GUCA1C: variants seen among roughly 807,000 people sequenced by gnomAD.
The protein encoded by GUCA1C is guanylyl cyclase-activating protein 3.
GUCA1C carries 15 observed loss-of-function variants against 16.2 expected under a neutral mutation model. The observed-to-expected ratio is 0.93, with a 90% CI of 0.62 to 1.43. The LOEUF is 1.43. Among genes scored for constraint, GUCA1C ranks in the 40% most tolerant of loss-of-function variants. The pLI is 0.00. For synonymous variants in GUCA1C, 78 were observed against 85.4 expected, an observed-to-expected ratio of 0.91 and a Z score of 0.48; for missense variants, 275 against 244.8, an observed-to-expected ratio of 1.12 and a Z score of -0.82.
chr3:108,953,599 T>A lies in GUCA1C; in HGVS notation c.164A>T (p.Lys55Ile), dbSNP rs746991799. 1.1e-5 allele frequency: 17 copies of A among 1,612,734 alleles called. No homozygotes were observed. The African/African-American group carries it at 1.2e-4, about 11-fold the overall frequency. The change falls in exon 1 of 4, where the codon AAA (lysine) becomes ATA (isoleucine). Residue 55 changes from lysine to isoleucine, a missense_variant. Physicochemically the swap from Lys to Ile is moderately radical, Grantham distance 102 (BLOSUM62 -3). Coordinates refer to ENST00000261047, the MANE Select transcript of GUCA1C (RefSeq NM_005459.4). Reference protein sequence around the residue: ...GLQGLNQKANKHIDQVYNTFD... With the variant: ...GLQGLNQKANIHIDQVYNTFD... ...GGTATTATAAACTTGATCAATATGTTTATTGGCCTTCTGATTCAGACCTTG... is the reference window on the plus strand; with the variant it reads ...GGTATTATAAACTTGATCAATATGTATATTGGCCTTCTGATTCAGACCTTG...
chr3:108,946,581 A>C (rs1456397952), intron 1 of GUCA1C, among the ~76,000 whole-genome samples: 2 of 152,182 alleles, frequency 1.3e-5, no homozygotes, highest in Admixed American at 6.5e-5. Flanking sequence ...GACAACCAAT[A>C]ATTATGTGCC....
At chr3:108,947,521 T>TA (rs1221316410) in intron 1 of GUCA1C, among the ~76,000 whole-genome samples, 1 of 152,254 alleles carries the variant, frequency 6.6e-6, no homozygotes, top group Non-Finnish European at 1.5e-5. Flanking sequence ...TTTGTCTATT[T>TA]AAAGTTTGTC....
intron 1 of GUCA1C, among the ~76,000 whole-genome samples, chr3:108,925,488 AC>A (rs1946614447): frequency 6.6e-6 from 1 of 152,158 alleles, no homozygotes; most frequent in African/African-American, 2.4e-5. Context: ...CTGAGAGACT[AC>A]TTGACATAAT....
At chr3:108,917,100 T>C (rs1946526007) in intron 2 of GUCA1C, among the ~76,000 whole-genome samples, 1 of 152,176 alleles carries the variant, frequency 6.6e-6, no homozygotes, top group Non-Finnish European at 1.5e-5. Flanking sequence ...CTTTAGCAAG[T>C]TTAGGTCTGA....
At chr3:108,928,847 G>A (rs933598003) in intron 1 of GUCA1C, among the ~76,000 whole-genome samples, 18 of 151,954 alleles carry the variant, frequency 1.2e-4, no homozygotes, top group Admixed American at 2.0e-4. Flanking sequence ...ATACTTTTAC[G>A]GTAAGTCTTG....
intron 1 of GUCA1C, among the ~76,000 whole-genome samples, chr3:108,943,041 C>T (rs187356884): frequency 5.7e-4 from 87 of 152,294 alleles, no homozygotes; most frequent in Middle Eastern, 6.8e-3. Context: ...TCTTAGCTCT[C>T]AAGTTTCAAA....
At chr3:108,922,168 C>T (rs1053079883) in intron 1 of GUCA1C, among the ~76,000 whole-genome samples, 28 of 20,498 alleles carry the variant, frequency 1.4e-3, no homozygotes, top group Non-Finnish European at 1.2e-3. Flanking sequence ...CAAACACACA[C>T]ACACACACAC....
At chr3:108,929,339 T>A (rs1576550048) in intron 1 of GUCA1C, among the ~76,000 whole-genome samples, 1 of 152,202 alleles carries the variant, frequency 6.6e-6, no homozygotes, top group Non-Finnish European at 1.5e-5. Flanking sequence ...TTTGTTTTTG[T>A]TTTTGGTTTT....
At chr3:108,940,969 GC>G (rs1946780248) in intron 1 of GUCA1C, among the ~76,000 whole-genome samples, 1 of 152,156 alleles carries the variant, frequency 6.6e-6, no homozygotes, top group African/African-American at 2.4e-5. Flanking sequence ...GGGACAGGAG[GC>G]CAGACATTCT....
intron 1 of GUCA1C, among the ~76,000 whole-genome samples, chr3:108,926,784 T>G (rs1946627483): frequency 6.6e-6 from 1 of 151,882 alleles, no homozygotes; most frequent in Non-Finnish European, 1.5e-5. Context: ...CCGGCCTGTT[T>G]TTTTTTTTTT....
intron 1 of GUCA1C, among the ~76,000 whole-genome samples, chr3:108,923,117 A>T (rs929668747): frequency 6.6e-6 from 1 of 152,078 alleles, no homozygotes; most frequent in Non-Finnish European, 1.5e-5. Context: ...CTCCCACTCT[A>T]TGGGTTGTCT....
intron 1 of GUCA1C, among the ~76,000 whole-genome samples, chr3:108,924,576 A>T (rs1299460270): frequency 1.3e-5 from 2 of 151,982 alleles, no homozygotes; most frequent in Non-Finnish European, 2.9e-5. Context: ...ATCTTTGTTC[A>T]TCAGGGTTAT....
chr3:108,940,936 T>C (rs2107310577), intron 1 of GUCA1C, among the ~76,000 whole-genome samples: 1 of 152,350 alleles, frequency 6.6e-6, no homozygotes, highest in East Asian at 1.9e-4. Flanking sequence ...CAAGATTACA[T>C]ACCCCAAGTA....
chr3:108,941,746 G>T (rs188623856), intron 1 of GUCA1C, among the ~76,000 whole-genome samples: 3 of 152,206 alleles, frequency 2.0e-5, no homozygotes, highest in Non-Finnish European at 4.4e-5. Context: ...ACAGCAACAA[G>T]AAGTTGGACC....
intron 1 of GUCA1C, among the ~76,000 whole-genome samples, chr3:108,920,840 T>C (rs147260696): frequency 1.2e-3 from 177 of 152,304 alleles, no homozygotes; most frequent in Admixed American, 4.4e-3. Flanking sequence ...CAAAATTGAA[T>C]GGAAGCTACA....
At chr3:108,950,106 T>A (rs1225431490) in intron 1 of GUCA1C, among the ~76,000 whole-genome samples, 1 of 152,226 alleles carries the variant, frequency 6.6e-6, no homozygotes, top group East Asian at 1.9e-4. Context: ...GAGCTTGACT[T>A]TCTTAGGCTC....
chr3:108,914,131 A>T (rs1264811944), intron 3 of GUCA1C, among the ~76,000 whole-genome samples: 1 of 152,228 alleles, frequency 6.6e-6, no homozygotes, highest in Non-Finnish European at 1.5e-5. Flanking sequence ...TTAGTTTTAT[A>T]AACTATTCTA....
At chr3:108,947,332 C>A (rs368020911) in intron 1 of GUCA1C, among the ~76,000 whole-genome samples, 8 of 152,094 alleles carry the variant, frequency 5.3e-5, no homozygotes, top group African/African-American at 1.7e-4. Flanking sequence ...GATATCCTCA[C>A]GTTTGAGTAG....
At chr3:108,952,158 T>C (rs1398060381) in intron 1 of GUCA1C, among the ~76,000 whole-genome samples, 2 of 152,164 alleles carry the variant, frequency 1.3e-5, no homozygotes, top group Non-Finnish European at 2.9e-5. Flanking sequence ...ATAGCAGCCA[T>C]ACAAAGAGTG....
Sources: allele counts gnomAD v4.1 joint callset (sites outside exome capture counted in the v4.1 genomes callset), GRCh38; gene constraint gnomAD v4.1.1; transcripts MANE v1.5; gene names NCBI Gene and HGNC (gene_info 2026-07-23, HGNC 2026-07-21).